The following AEBP1 variants were observed in gnomAD, a reference collection of about 807,000 sequenced individuals.
The protein encoded by AEBP1 is adipocyte enhancer-binding protein 1.
A neutral mutation model predicts 116.5 loss-of-function variants in AEBP1; 69 were observed. The ratio of observed to expected loss-of-function variants is 0.59; its 90% confidence interval spans 0.49 to 0.72. The LOEUF (loss-of-function observed/expected upper bound fraction) is 0.72, where lower values mean the gene tolerates loss of function less well. AEBP1 is among the 30% of genes least tolerant of loss of function. The pLI is 0.00. For missense variants in AEBP1, 1,444 were observed against 1,557.5 expected (o/e 0.93, Z 1.23); for synonymous variants, 627 against 627.3 (o/e 1.00, Z 0.01).
In AEBP1 at chr7:44,107,888, C is replaced by G. The variant is rs912983756; in HGVS notation, c.819C>G (p.Pro273=). 6.2e-7 allele frequency: 1 copy of G among 1,600,356 alleles called. No homozygotes were observed. The change falls in exon 5 of 21, where the codon CCC becomes CCG. Residue 273 remains proline, a synonymous_variant. Coordinates refer to ENST00000223357, the MANE Select transcript of AEBP1 (RefSeq NM_001129.5). This position sits in a 1 kb window ranked among gnomAD's most constrained non-coding sequence, Gnocchi z 4.3. ...RRRPERVWPE[P]PEEKAPAPAP... ...GGCCCGAGCGGGTCTGGCCAGAGCC[C>G]CCTGAGGAGAAGGCCCCGGCCCCAG...
In AEBP1 at chr7:44,113,917, G is replaced by A; in HGVS notation, c.3133G>A (p.Gly1045Ser). ...LRRLNATTTL[G>S]PHTVPPTLPP... ...GCGCCTCAACGCCACCACCACCCTA[G>A]GCCCCCACACTGTGCCTCCCACGCT... Residue 1045 changes from glycine to serine, a missense_variant, in exon 21 of 21, where the codon GGC (glycine) becomes AGC (serine). Physicochemically the swap from Gly to Ser is moderately conservative, Grantham distance 56. Coordinates refer to ENST00000223357, the MANE Select transcript of AEBP1 (RefSeq NM_001129.5). This position sits in a 1 kb window ranked among gnomAD's most constrained non-coding sequence, Gnocchi z 5.3. 6.2e-7 allele frequency: 1 copy of A among 1,613,544 alleles called. No homozygotes were observed. The highest frequency in any genetic ancestry group is 8.5e-7 in the Non-Finnish European group (1 of 1,179,992).
Position 44,111,917 on chromosome 7 carries a change from T to C in AEBP1, c.1904T>C (p.Leu635Ser). ...HGNEVLGRELLLLLMQYLCRE... is the reference protein window; with the variant it reads ...HGNEVLGRELSLLLMQYLCRE... ...AACGAGGTGCTGGGCCGAGAGCTGTTGCTGCTGCTCATGCAGTACCTGTGC... is the reference window on the plus strand; with the variant it reads ...AACGAGGTGCTGGGCCGAGAGCTGTCGCTGCTGCTCATGCAGTACCTGTGC... The change falls in exon 16 of 21, where the codon TTG becomes TCG. Residue 635 changes from leucine to serine, a missense_variant. Leu to Ser is a moderately radical substitution (Grantham distance 145). Coordinates refer to ENST00000223357, the MANE Select transcript of AEBP1 (RefSeq NM_001129.5). This position sits in a 1 kb window ranked among gnomAD's most constrained non-coding sequence, Gnocchi z 4.7. The C allele has an allele frequency of 1.2e-6, 2 of 1,613,818 alleles. No homozygotes were observed. Among genetic ancestry groups the C allele is most frequent in the Admixed American group, 3.3e-5 (2 of 60,016 alleles).
Position 44,109,091 on chromosome 7 carries a change from A to G in AEBP1, c.1019-16A>G. ...AGAGCCAGGCTGACTGGCCCCTCCT[A>G]CCTTGCACCTTCCAGAGAAACCCAA... On this transcript the variant is annotated splice_polypyrimidine_tract_variant and intron_variant, in intron 7 of 20. Coordinates refer to ENST00000223357, the MANE Select transcript of AEBP1 (RefSeq NM_001129.5). 1 of 1,613,172 alleles carries G rather than the reference A, an allele frequency of 6.2e-7. No homozygotes were observed. Among genetic ancestry groups the G allele is most frequent in the Non-Finnish European group, 8.5e-7 (1 of 1,179,890 alleles).
Position 44,112,751 on chromosome 7 carries a change from A to T in AEBP1, c.2411A>T (p.Gln804Leu), listed in dbSNP as rs774385977. ...GATGAGGACGAGGTCTCCGAGGCCCAGGAGACTCCAGACCACGCCATCTTC... is the reference window on the plus strand; with the variant it reads ...GATGAGGACGAGGTCTCCGAGGCCCTGGAGACTCCAGACCACGCCATCTTC... ...GEDEDEVSEA[Q>L]ETPDHAIFRW... The change falls in exon 18 of 21, where the codon CAG becomes CTG. Residue 804 changes from glutamine (Q) to leucine (L), a missense_variant. Coordinates refer to ENST00000223357, the MANE Select transcript of AEBP1 (RefSeq NM_001129.5). The surrounding 1 kb of genome is among the most constrained non-coding windows in gnomAD (Gnocchi z 6.6). 6.2e-7 allele frequency: 1 copy of T among 1,613,110 alleles called. No individual in the cohort carries two copies. The highest frequency in any genetic ancestry group is 1.3e-5 in the African/African-American group (1 of 75,030).
At chr7:44,109,372 G>T in intron 9 of AEBP1, 31 bp downstream of exon 9, 1 of 1,413,808 alleles carries the variant, frequency 7.1e-7, no homozygotes, top group Admixed American at 2.2e-5. Flanking sequence ...GGTGAGGGTG[G>T]GGGCCACAGG....
rs369236690 is a variant in AEBP1, at chr7:44,111,389, G to T, written c.1717-118G>T. On this transcript the variant is annotated intron_variant, in intron 14 of 20. Transcript: ENST00000223357. The surrounding 1 kb of genome is among the most constrained non-coding windows in gnomAD (Gnocchi z 4.7). ...TTAGGAAGGAGGCCAGTACCTGGGGGCTGCGTGAAGGGGTCATGCCCGTCC... is the reference window on the plus strand; with the variant it reads ...TTAGGAAGGAGGCCAGTACCTGGGGTCTGCGTGAAGGGGTCATGCCCGTCC... 11 of 1,431,044 alleles carry T rather than the reference G, an allele frequency of 7.7e-6. No homozygotes were observed. Among genetic ancestry groups the T allele is most frequent in the African/African-American group, 1.4e-5 (1 of 69,482 alleles). 88.6% of individuals were successfully genotyped at this position (1,431,044 alleles called of 1,614,324 possible). A position where few individuals can be genotyped will look rare whatever the true frequency, so the allele number is the denominator to read the frequency against.
At position 44,108,141 on chromosome 7, in the gene AEBP1, G is replaced by C; in HGVS notation, c.940+57G>C. On this transcript the variant is annotated intron_variant, in intron 6 of 20. Coordinates refer to ENST00000223357, the MANE Select transcript of AEBP1 (RefSeq NM_001129.5). This position sits in a 1 kb window ranked among gnomAD's most constrained non-coding sequence, Gnocchi z 5.0. ...CATAGGCAGGTGGGGGTCGGGGCTG[G>C]GGTGTGGTCAGGAGCCAGCTGGGGC... is the stretch of plus-strand genomic sequence containing the variant. The C allele has an allele frequency of 6.5e-7, 1 of 1,526,982 alleles. No individual in the cohort carries two copies. Among genetic ancestry groups the C allele is most frequent in the Non-Finnish European group, 8.9e-7 (1 of 1,127,586 alleles). 94.6% of individuals were successfully genotyped at this position (1,526,982 alleles called of 1,614,324 possible). A position where few individuals can be genotyped will look rare whatever the true frequency, so the allele number is the denominator to read the frequency against.
At position 44,111,382 on chromosome 7, in the gene AEBP1, C is replaced by T. The variant is rs2096229219; in HGVS notation, c.1717-125C>T. On this transcript the variant is annotated intron_variant, in intron 14 of 20. Transcript: ENST00000223357. The surrounding 1 kb of genome is among the most constrained non-coding windows in gnomAD (Gnocchi z 4.7). ...CCTCACCTTAGGAAGGAGGCCAGTA[C>T]CTGGGGGCTGCGTGAAGGGGTCATG... 4 of 1,426,862 alleles carry T rather than the reference C, an allele frequency of 2.8e-6. No individual in the cohort carries two copies. The highest frequency in any genetic ancestry group is 3.7e-6 in the Non-Finnish European group (4 of 1,077,232). 88.4% of individuals were successfully genotyped at this position (1,426,862 alleles called of 1,614,324 possible). A position where few individuals can be genotyped will look rare whatever the true frequency, so the allele number is the denominator to read the frequency against.
At position 44,109,007 on chromosome 7, in the gene AEBP1, G is replaced by C. The variant is rs1472355841; in HGVS notation, c.1018+31G>C. On this transcript the variant is annotated intron_variant, in intron 7 of 20. Transcript: ENST00000223357. ...TGGGACCAAGGACTTCCCACACCAGGCCTGCCCTGAAGGCCACCTGGGGCC... is the reference window on the plus strand; with the variant it reads ...TGGGACCAAGGACTTCCCACACCAGCCCTGCCCTGAAGGCCACCTGGGGCC... 4.4e-6 allele frequency: 7 copies of C among 1,606,266 alleles called. No individual in the cohort carries two copies. The African/African-American group carries it at 6.7e-5, about 15-fold the overall frequency.
At position 44,104,773 on chromosome 7, in the gene AEBP1, G is replaced by T. The variant is rs1223064276; in HGVS notation, c.108G>T (p.Glu36Asp). 1 of 1,611,638 alleles carries T rather than the reference G, an allele frequency of 6.2e-7. No homozygotes were observed. Among genetic ancestry groups the T allele is most frequent in the East Asian group, 2.2e-5 (1 of 44,800 alleles). Residue 36 changes from glutamate (E) to aspartate (D), a missense_variant, in exon 1 of 21, where the codon GAG (glutamate) becomes GAT (aspartate). Transcript: ENST00000223357. ...TGCTGACCGACGACGAGATCGAGGA[G>T]TTCCTCGAGGGCTTCCTGTCAGAGC... is the stretch of plus-strand genomic sequence containing the variant. Reference protein sequence around the residue: ...QTVLTDDEIEEFLEGFLSELE... With the variant: ...QTVLTDDEIEDFLEGFLSELE...
In AEBP1 at chr7:44,110,246, TG is replaced by T. The variant is rs1245625277; in HGVS notation, c.1301del (p.Cys434LeufsTer11). 2 of 1,613,748 alleles carry T rather than the reference TG, an allele frequency of 1.2e-6. No individual in the cohort carries two copies. Among genetic ancestry groups the T allele is most frequent in the Non-Finnish European group, 1.7e-6 (2 of 1,180,018 alleles). On this transcript the variant is annotated frameshift_variant, in exon 11 of 21. Coordinates refer to ENST00000223357, the MANE Select transcript of AEBP1 (RefSeq NM_001129.5). LOFTEE classifies it high-confidence loss of function. Reference protein sequence around the residue: ...TEDDYYDGAWCAEDDARTQWI... With the variant: ...TEDDYYDGAWXAEDDARTQWI... Reference sequence around the variant, plus strand: ...GGACGACTACTATGATGGTGCGTGGTGTGCCGAGGACGATGCCAGGACCCAG... The same window carrying T: ...GGACGACTACTATGATGGTGCGTGGTTGCCGAGGACGATGCCAGGACCCAG...
intron 8 of AEBP1, 33 bp from the exon 9 acceptor site, chr7:44,109,255 C>G (rs1461644522): frequency 6.2e-7 from 1 of 1,611,466 alleles, no homozygotes; most frequent in African/African-American, 1.3e-5. Context: ...CTCCCGGGCC[C>G]TTGGTGCCAT....
chr7:44,110,897 G>A lies in AEBP1; in HGVS notation c.1486-16G>A, dbSNP rs752718059. ...GAGGGGCTGGCAGTACTGCTCTGAG[G>A]CCTGCCTCTCCCCAGACCTTTCATG... On this transcript the variant is annotated splice_polypyrimidine_tract_variant and intron_variant, in intron 12 of 20. Coordinates refer to ENST00000223357, the MANE Select transcript of AEBP1 (RefSeq NM_001129.5). 32 of 1,613,766 alleles carry A rather than the reference G, an allele frequency of 2.0e-5. No homozygotes were observed. Among genetic ancestry groups the A allele is most frequent in the Non-Finnish European group, 2.6e-5 (31 of 1,180,004 alleles).
rs1240666243 is a variant in AEBP1 at position 44,110,824 on chromosome 7, C to T, written c.1485+15C>T. The T allele has an allele frequency of 1.9e-6, 3 of 1,587,452 alleles. No homozygotes were observed. The highest frequency in any genetic ancestry group is 1.8e-5 in the Admixed American group (1 of 56,696). ...ATGAGGAAATGGTGGGCACCATGCC[C>T]AGGCTCTTGGCTCTGCTCCCATTGT... On this transcript the variant is annotated intron_variant, in intron 12 of 20. Coordinates refer to ENST00000223357, the MANE Select transcript of AEBP1 (RefSeq NM_001129.5).
intron 9 of AEBP1, chr7:44,109,586 G>A (rs992179058): frequency 6.8e-5 from 40 of 588,366 alleles, no homozygotes; most frequent in African/African-American, 5.4e-4. Flanking sequence ...GTGGCTGGGC[G>A]TGGTAGGGGG....
chr7:44,111,843 C>G lies in AEBP1; in HGVS notation c.1841-11C>G, dbSNP rs755764814. On this transcript the variant is annotated splice_polypyrimidine_tract_variant and intron_variant, in intron 15 of 20. Transcript: ENST00000223357. This position sits in a 1 kb window ranked among gnomAD's most constrained non-coding sequence, Gnocchi z 4.7. ...GAGACTGAGTGCTCACTGAGGCTCC[C>G]GCCCTTGCAGGGGAGCCCGAGTTCC... 5 of 1,609,796 alleles carry G rather than the reference C, an allele frequency of 3.1e-6. No individual in the cohort carries two copies. The highest frequency in any genetic ancestry group is 1.3e-5 in the African/African-American group (1 of 74,832).
chr7:44,109,083 C>T (rs370060252), intron 7 of AEBP1, 24 bp from the exon 8 acceptor site: 4 of 1,613,070 alleles, frequency 2.5e-6, no homozygotes, highest in Non-Finnish European at 2.5e-6. Flanking sequence ...GGCTGACTGG[C>T]CCCTCCTACC....
chr7:44,110,181 C>A, intron 10 of AEBP1, 26 bp from the exon 11 acceptor site: 1 of 1,613,442 alleles, frequency 6.2e-7, no homozygotes, highest in Non-Finnish European at 8.5e-7. Flanking sequence ...TCCGCCCATG[C>A]TCAGCCTCCC....
chr7:44,111,363 C>A lies in AEBP1; in HGVS notation c.1716+124C>A. On this transcript the variant is annotated intron_variant, in intron 14 of 20. Transcript: ENST00000223357. This position sits in a 1 kb window ranked among gnomAD's most constrained non-coding sequence, Gnocchi z 4.7. ...TCCAGGGATGCTGGCTGTCCCTCAC[C>A]TTAGGAAGGAGGCCAGTACCTGGGG... is the stretch of plus-strand genomic sequence containing the variant. 1 of 1,412,184 alleles carries A rather than the reference C, an allele frequency of 7.1e-7. No individual in the cohort carries two copies. Among genetic ancestry groups the A allele is most frequent in the Non-Finnish European group, 9.4e-7 (1 of 1,065,312 alleles). The allele number at this position is 1,412,184 out of a possible 1,614,324, so 87.5% of individuals were successfully genotyped here.
Sources: allele counts gnomAD v4.1 joint callset, GRCh38; gene constraint gnomAD v4.1.1; non-coding constraint Gnocchi (gnomAD v3.1); transcripts MANE v1.5; gene names NCBI Gene and HGNC (gene_info 2026-07-23, HGNC 2026-07-21).